The following GLG1 variants were observed in gnomAD, a reference collection of about 807,000 sequenced individuals.
GLG1 encodes the protein golgi glycoprotein 1.
In GLG1, 38 loss-of-function variants were observed where a neutral mutation model predicts 160.5. The ratio of observed to expected loss-of-function variants is 0.24; its 90% CI spans 0.18 to 0.31. The LOEUF (loss-of-function observed/expected upper bound fraction) is 0.31, where lower values mean the gene tolerates loss of function less well. Among genes scored for constraint, GLG1 ranks in the 10% least tolerant of loss-of-function variants. The pLI is 1.00. For missense variants in GLG1, 1,373 were observed against 1,505.2 expected (o/e 0.91, Z 1.45); for synonymous variants, 644 against 543.4 (o/e 1.19, Z -2.57).
chr16:74,560,670 A>C (rs902343453), intron 1 of GLG1, among the ~76,000 whole-genome samples: 1 of 152,166 alleles, frequency 6.6e-6, no homozygotes, highest in Non-Finnish European at 1.5e-5. Context: ...GCAAAGCTTA[A>C]GCAACTAATT....
intron 1 of GLG1, among the ~76,000 whole-genome samples, chr16:74,562,937 A>G (rs1296779029): frequency 6.6e-6 from 1 of 152,146 alleles, no homozygotes; most frequent in African/African-American, 2.4e-5. Context: ...AATTGATATC[A>G]CAATGCAGGA....
chr16:74,577,116 G>C (rs570809177), intron 1 of GLG1, among the ~76,000 whole-genome samples: 2 of 152,056 alleles, frequency 1.3e-5, no homozygotes, highest in African/African-American at 2.4e-5. Flanking sequence ...GTAGAAACAG[G>C]AGTCTCTCCA....
At chr16:74,500,209 A>G (rs977555383) in intron 4 of GLG1, among the ~76,000 whole-genome samples, 8 of 152,244 alleles carry the variant, frequency 5.3e-5, no homozygotes, top group Admixed American at 3.3e-4. Flanking sequence ...AACATTAATT[A>G]AAGTGAGGTG....
chr16:74,548,375 T>C lies in GLG1; in HGVS notation c.439-16222A>G, dbSNP rs138480508. Among the ~76,000 whole-genome samples, 110 of 152,340 alleles carry C rather than the reference T, an allele frequency of 7.2e-4. 1 individual carries two copies. The East Asian group carries it at 0.017, about 24-fold the overall frequency. On this transcript the variant is annotated intron_variant, in intron 1 of 25. Coordinates refer to ENST00000422840, the MANE Select transcript of GLG1 (RefSeq NM_001145667.2). ...ATTCAAATGAAAAATCCTTGGTTGA[T>C]CACAGAACCTCTGTAGCCTCTGGCA... is the stretch of plus-strand genomic sequence containing the variant.
At chr16:74,598,392 G>A (rs953103270) in intron 1 of GLG1, among the ~76,000 whole-genome samples, 84 of 151,162 alleles carry the variant, frequency 5.6e-4, no homozygotes, top group African/African-American at 1.9e-3. Context: ...GTGGTGGCGG[G>A]CGCCTGTAGT....
chr16:74,489,347 TGTAATCC>T lies in GLG1; in HGVS notation c.1449+1647_1449+1653del, dbSNP rs2015901687. Among the ~76,000 whole-genome samples the T allele has an allele frequency of 3.9e-5, 6 of 152,064 alleles. No individual in the cohort carries two copies. The South Asian group carries it at 1.2e-3, about 32-fold the overall frequency. On this transcript the variant is annotated intron_variant, in intron 8 of 25. Coordinates refer to ENST00000422840, the MANE Select transcript of GLG1 (RefSeq NM_001145667.2). The stretch of plus-strand genomic sequence containing the variant: ...TTAGCTGGGTGTGGTGGTGGGCAAC[TGTAATCC>T]CAGCTACTCAGGAGGTTGAGGCAGG...
intron 2 of GLG1, among the ~76,000 whole-genome samples, chr16:74,520,365 G>A (rs779064580): frequency 5.3e-5 from 8 of 152,110 alleles, no homozygotes; most frequent in Admixed American, 1.3e-4. Flanking sequence ...GGCCGGAGAC[G>A]GTGGCTCACA....
At chr16:74,466,954 A>G (rs2015021032) in intron 18 of GLG1, among the ~76,000 whole-genome samples, 1 of 152,244 alleles carries the variant, frequency 6.6e-6, no homozygotes, top group South Asian at 2.1e-4. Flanking sequence ...AGTATGTGAA[A>G]GAGCAATGAC....
At position 74,606,855 on chromosome 16, in the gene GLG1, T is replaced by TTGCTGC. The variant is rs546611688; in HGVS notation, c.234_239dup (p.Gln83_Gln84dup). On this transcript the variant is annotated inframe_insertion, in exon 1 of 26. Coordinates refer to ENST00000422840, the MANE Select transcript of GLG1 (RefSeq NM_001145667.2). ...GCGGCGGCTGAGGCTGCTGTTGCTGTTGCTGCTGCTGCTGTTGCTGCTGAA... is the reference window on the plus strand; with the variant it reads ...GCGGCGGCTGAGGCTGCTGTTGCTGTTGCTGCTGCTGCTGCTGCTGTTGCTGCTGAA... 8.8e-6 allele frequency: 14 copies of TTGCTGC among 1,597,952 alleles called. No individual in the cohort carries two copies. Among genetic ancestry groups the TTGCTGC allele is most frequent in the Admixed American group, 3.5e-5 (2 of 56,556 alleles).
intron 2 of GLG1, among the ~76,000 whole-genome samples, chr16:74,518,409 A>G (rs1171291481): frequency 1.3e-5 from 2 of 152,232 alleles, no homozygotes; most frequent in Non-Finnish European, 2.9e-5. Flanking sequence ...GTCTACCACC[A>G]TCTGATCTTT....
chr16:74,512,213 C>G (rs1340338674), intron 2 of GLG1, among the ~76,000 whole-genome samples: 1 of 138,464 alleles, frequency 7.2e-6, no homozygotes, highest in Non-Finnish European at 1.5e-5. Context: ...GGCTGAAGTG[C>G]AGTGGCGCGA....
intron 12 of GLG1, among the ~76,000 whole-genome samples, chr16:74,476,378 A>G (rs2015391148): frequency 6.6e-6 from 1 of 152,188 alleles, no homozygotes; most frequent in South Asian, 2.1e-4. Context: ...TATACCCAAC[A>G]GAACTGTAGC....
At chr16:74,594,065 T>C (rs1958246068) in intron 1 of GLG1, among the ~76,000 whole-genome samples, 1 of 151,800 alleles carries the variant, frequency 6.6e-6, no homozygotes. Flanking sequence ...CGCCACCATG[T>C]CTGGCTAATT....
At chr16:74,589,110 A>C (rs1288348848) in intron 1 of GLG1, among the ~76,000 whole-genome samples, 1 of 151,256 alleles carries the variant, frequency 6.6e-6, no homozygotes, top group Non-Finnish European at 1.5e-5. Flanking sequence ...AAAAAATTAG[A>C]CGGGCGTGGT....
At chr16:74,472,660 A>G in intron 13 of GLG1, 2 of 942,936 alleles carry the variant, frequency 2.1e-6, no homozygotes, top group South Asian at 2.8e-5. Context: ...GGCAGAATTA[A>G]GAAAAGTGAG....
chr16:74,596,465 G>A (rs1304049300), intron 1 of GLG1, among the ~76,000 whole-genome samples: 1 of 151,966 alleles, frequency 6.6e-6, no homozygotes, highest in East Asian at 1.9e-4. Flanking sequence ...GGAGGCAGAG[G>A]TTGCAGTGAG....
rs1397341177 is a variant in GLG1 at position 74,453,272 on chromosome 16, G to C, written c.3435C>G (p.Asn1145Lys). The change falls in exon 26 of 26, where the codon AAC becomes AAG. Residue 1145 changes from asparagine (N) to lysine (K), a missense_variant. By Grantham distance (94) the Asn-to-Lys change is moderately conservative (BLOSUM62 0). This residue lies in a region of GLG1 where 491 missense variants were observed against 632.1 expected (regional missense o/e 0.78). Transcript: ENST00000422840. ...TCCCACTGATCACAGAGAGAATGTA[G>C]TTCTTAGATGGAGACGTCATTACTT... is the stretch of plus-strand genomic sequence containing the variant. ...AMQVMTSPSK[N>K]YILSVISGSI... 9.9e-6 allele frequency: 16 copies of C among 1,613,730 alleles called. No homozygotes were observed. The highest frequency in any genetic ancestry group is 1.4e-5 in the Non-Finnish European group (16 of 1,179,640).
rs147186195 is a variant in GLG1 at position 74,601,711 on chromosome 16, C to T, written c.438+4946G>A. ...TAATTAAATTAGCGTTGGGTGATAACGCATTTGCCTGAGAAATCTACAAAT... is the reference window on the plus strand; with the variant it reads ...TAATTAAATTAGCGTTGGGTGATAATGCATTTGCCTGAGAAATCTACAAAT... On this transcript the variant is annotated intron_variant, in intron 1 of 25. Transcript: ENST00000422840. Among the ~76,000 whole-genome samples, 111 of 152,262 alleles carry T rather than the reference C, an allele frequency of 7.3e-4. 1 individual carries two copies. Among genetic ancestry groups the T allele is most frequent in the Admixed American group, 6.2e-3 (95 of 15,282 alleles).
intron 1 of GLG1, among the ~76,000 whole-genome samples, chr16:74,553,139 G>A (rs2143704590): frequency 6.6e-6 from 1 of 151,350 alleles, no homozygotes; most frequent in Admixed American, 6.6e-5. Context: ...AGAATCACCT[G>A]AACCTGGGAG....
Sources: allele counts gnomAD v4.1 joint callset (sites outside exome capture counted in the v4.1 genomes callset), GRCh38; gene constraint gnomAD v4.1.1; regional missense constraint gnomAD v4.1.1; transcripts MANE v1.5; gene names NCBI Gene and HGNC (gene_info 2026-07-23, HGNC 2026-07-21).